ARHGAP39: variants seen among roughly 807,000 people sequenced by gnomAD.
ARHGAP39 encodes rho GTPase-activating protein 39.
Under a neutral mutation model 106.9 loss-of-function variants are expected in ARHGAP39, and 44 were observed. The ratio of observed to expected loss-of-function variants is 0.41; its 90% confidence interval spans 0.32 to 0.53. The LOEUF (loss-of-function observed/expected upper bound fraction) is 0.53, where lower values mean the gene tolerates loss of function less well. Ranked by LOEUF, ARHGAP39 falls within the 20% of genes least tolerant of loss-of-function variation. The pLI, the probability that ARHGAP39 is intolerant of heterozygous loss-of-function variation, is 0.21. For synonymous variants in ARHGAP39, 768 were observed against 693.2 expected, an observed-to-expected ratio of 1.11 and a Z score of -1.69; for missense variants, 1,496 against 1,577.3, an observed-to-expected ratio of 0.95 and a Z score of 0.87.
chr8:144,612,133 G>A (rs1337055827), intron 1 of ARHGAP39, among the ~76,000 whole-genome samples: 1 of 152,090 alleles, frequency 6.6e-6, no homozygotes, highest in African/African-American at 2.4e-5. Flanking sequence ...GTGAGCCACG[G>A]CTGCGCCGCT....
In ARHGAP39 at chr8:144,530,613, A is replaced by G; in HGVS notation, c.3154T>C (p.Phe1052Leu). ...ACCGCGACGTTGGCCGGCTGCACGAAGACCTGGTGGAGGAGCGAGGGTGGG... is the reference window on the plus strand; with the variant it reads ...ACCGCGACGTTGGCCGGCTGCACGAGGACCTGGTGGAGGAGCGAGGGTGGG... ...LCYLIRFLQVFVQPANVAVTK... is the reference protein window; with the variant it reads ...LCYLIRFLQVLVQPANVAVTK... Residue 1052 changes from phenylalanine (F) to leucine (L), a missense_variant, in exon 12 of 12, where the codon TTC becomes CTC. This residue lies in a region of ARHGAP39 where 470 missense variants were observed against 605.1 expected (regional missense o/e 0.78). Transcript: ENST00000377307. The G allele has an allele frequency of 6.6e-7, 1 of 1,505,224 alleles. No individual in the cohort carries two copies. The highest frequency in any genetic ancestry group is 9.0e-7 in the Non-Finnish European group (1 of 1,116,152). 93.2% of individuals were successfully genotyped at this position (1,505,224 alleles called of 1,614,324 possible).
intron 1 of ARHGAP39, among the ~76,000 whole-genome samples, chr8:144,658,517 T>C (rs1044840180): frequency 6.6e-6 from 1 of 152,166 alleles, no homozygotes; most frequent in African/African-American, 2.4e-5. Flanking sequence ...TCAGGTGATC[T>C]GCTCGCCTCG....
chr8:144,580,280 TC>T (rs1355734414), intron 3 of ARHGAP39, among the ~76,000 whole-genome samples: 1 of 151,670 alleles, frequency 6.6e-6, no homozygotes, highest in Admixed American at 6.6e-5. Context: ...TCCACCTGGG[TC>T]CCCCTAGGTC....
At chr8:144,594,136 A>T (rs955370367) in intron 2 of ARHGAP39, among the ~76,000 whole-genome samples, 1 of 152,054 alleles carries the variant, frequency 6.6e-6, no homozygotes, top group African/African-American at 2.4e-5. Context: ...AAAGATGGGC[A>T]AAATATCTGG....
chr8:144,600,740 C>T (rs574474429), intron 2 of ARHGAP39, among the ~76,000 whole-genome samples: 2 of 147,838 alleles, frequency 1.4e-5, no homozygotes, highest in African/African-American at 2.5e-5. Flanking sequence ...GTGTTCAAGG[C>T]GTGCGTGCGC....
At chr8:144,651,714 T>A (rs1203263128) in intron 1 of ARHGAP39, among the ~76,000 whole-genome samples, 1 of 151,388 alleles carries the variant, frequency 6.6e-6, no homozygotes. Flanking sequence ...CAAAAAAAAA[T>A]TAAAAATAAA....
chr8:144,595,602 G>A (rs1426724654), intron 2 of ARHGAP39, among the ~76,000 whole-genome samples: 2 of 152,252 alleles, frequency 1.3e-5, no homozygotes, highest in Non-Finnish European at 2.9e-5. Context: ...GCTCTCGCTG[G>A]GAAGGCCCCA....
intron 1 of ARHGAP39, among the ~76,000 whole-genome samples, chr8:144,630,247 G>A (rs1370690003): frequency 1.3e-5 from 2 of 152,170 alleles, no homozygotes; most frequent in African/African-American, 4.8e-5. Flanking sequence ...TGCTCGCCCA[G>A]GCACAGGTGC....
At chr8:144,550,115 C>T (rs929088835) in intron 4 of ARHGAP39, among the ~76,000 whole-genome samples, 5 of 150,526 alleles carry the variant, frequency 3.3e-5, no homozygotes, top group Admixed American at 3.3e-4. Flanking sequence ...TCTACAAAAA[C>T]ATAAACCAAT....
At chr8:144,617,289 C>T (rs1236744035) in intron 1 of ARHGAP39, among the ~76,000 whole-genome samples, 1 of 151,812 alleles carries the variant, frequency 6.6e-6, no homozygotes, top group Non-Finnish European at 1.5e-5. Flanking sequence ...GGTACGAGGG[C>T]CTGGCACCTC....
intron 4 of ARHGAP39, among the ~76,000 whole-genome samples, chr8:144,549,800 G>C (rs991956792): frequency 1.3e-5 from 2 of 152,182 alleles, no homozygotes; most frequent in African/African-American, 4.8e-5. Context: ...GCCCCACGTG[G>C]TTTTCATGCT....
At position 144,547,438 on chromosome 8, in the gene ARHGAP39, C is replaced by T; in HGVS notation, c.1648G>A (p.Ala550Thr). Residue 550 changes from alanine to threonine, a missense_variant, in exon 5 of 12, where the codon GCC becomes ACC. Coordinates refer to ENST00000377307, the MANE Select transcript of ARHGAP39 (RefSeq NM_025251.3). This position sits in a 1 kb window ranked among gnomAD's most constrained non-coding sequence, Gnocchi z 5.2. ...CGAGCCTGCGCCAGGAAGGGCTCGG[C>T]CGCGCCCCGCGCCCCTTCGGCCTCA... ...EGEAEGARGA[A>T]EPFLAQARLA... 6.4e-7 allele frequency: 1 copy of T among 1,571,608 alleles called. No homozygotes were observed.
chr8:144,669,628 T>C (rs899543861), intron 1 of ARHGAP39, among the ~76,000 whole-genome samples: 1 of 151,850 alleles, frequency 6.6e-6, no homozygotes, highest in Non-Finnish European at 1.5e-5. Flanking sequence ...ATATATCTGA[T>C]CCGGCACTTG....
chr8:144,675,851 C>T (rs1033901153), intron 1 of ARHGAP39, among the ~76,000 whole-genome samples: 4 of 151,810 alleles, frequency 2.6e-5, no homozygotes, highest in Non-Finnish European at 5.9e-5. Context: ...TGGAGTTGTT[C>T]GTTCCCTCCG....
chr8:144,644,124 G>A lies in ARHGAP39; in HGVS notation c.-81-38429C>T, dbSNP rs564022041. Among the ~76,000 whole-genome samples the A allele has an allele frequency of 1.3e-5, 2 of 152,134 alleles. No homozygotes were observed. Among genetic ancestry groups the A allele is most frequent in the African/African-American group, 2.4e-5 (1 of 41,506 alleles). The stretch of plus-strand genomic sequence containing the variant: ...GTGAGACCCGGACACGCACATTCCC[G>A]GCAGCACCATTCACAGGAGCCAAAC... On this transcript the variant is annotated intron_variant, in intron 1 of 11. Coordinates refer to ENST00000377307, the MANE Select transcript of ARHGAP39 (RefSeq NM_025251.3). This position sits in a 1 kb window ranked among gnomAD's most constrained non-coding sequence, Gnocchi z 4.8.
chr8:144,636,549 C>T (rs368559732), intron 1 of ARHGAP39, among the ~76,000 whole-genome samples: 9 of 152,186 alleles, frequency 5.9e-5, no homozygotes, highest in East Asian at 5.8e-4. Context: ...CCCAGGAGGG[C>T]GGGACGCCTG....
chr8:144,693,624 C>T, the ARHGAP39 span, among the ~76,000 whole-genome samples: 6 of 152,136 alleles, frequency 3.9e-5, no homozygotes, highest in African/African-American at 9.7e-5. Context: ...CCACCCGCCT[C>T]GGCCTCCCAG....
Position 144,670,363 on chromosome 8 carries a change from C to A in ARHGAP39, c.-82+15323G>T, listed in dbSNP as rs1822071616. Reference sequence around the variant, plus strand: ...CGGGTTCACCACACTGCTCCATCACCCTCCTCACCGGGCCATCGAGCCTCT... The same window carrying A: ...CGGGTTCACCACACTGCTCCATCACACTCCTCACCGGGCCATCGAGCCTCT... On this transcript the variant is annotated intron_variant, in intron 1 of 11. Transcript: ENST00000377307. The surrounding 1 kb of genome is among the most constrained non-coding windows in gnomAD (Gnocchi z 4.4). Among the ~76,000 whole-genome samples the A allele has an allele frequency of 6.6e-6, 1 of 152,178 alleles. No homozygotes were observed. The highest frequency in any genetic ancestry group is 2.4e-5 in the African/African-American group (1 of 41,440).
At chr8:144,558,220 G>A (rs182451700) in intron 3 of ARHGAP39, among the ~76,000 whole-genome samples, 14 of 152,286 alleles carry the variant, frequency 9.2e-5, no homozygotes, top group East Asian at 3.9e-4. Context: ...ACACACTCCC[G>A]GATGGGAAAA....
Sources: gnomAD v4.1 joint callset for allele counts (sites outside exome capture counted in the v4.1 genomes callset) on GRCh38, gnomAD v4.1.1 for gene constraint, gnomAD v4.1.1 regional missense constraint, Gnocchi (gnomAD v3.1) non-coding constraint, MANE v1.5 for transcripts, NCBI Gene and HGNC (gene_info 2026-07-23, HGNC 2026-07-21) for gene names.